The following CEP152 variants were observed in gnomAD, a reference collection of about 807,000 sequenced individuals.
CEP152 encodes centrosomal protein of 152 kDa.
Under a neutral mutation model 188.9 loss-of-function variants are expected in CEP152, and 132 were observed. That is an observed-to-expected ratio of 0.70 (90% CI 0.61 to 0.81). The LOEUF (loss-of-function observed/expected upper bound fraction) is 0.81. Ranked by LOEUF, CEP152 falls within the 30% of genes least tolerant of loss-of-function variation. CEP152 has a pLI of 0.00. For missense variants in CEP152, 1,914 were observed against 1,969.8 expected (o/e 0.97, Z 0.54); for synonymous variants, 649 against 666.6 (o/e 0.97, Z 0.41).
rs1380986780 is a variant in CEP152, at chr15:48,748,607, T to C, written c.3470A>G (p.Lys1157Arg). The C allele has an allele frequency of 6.8e-7, 1 of 1,477,196 alleles. No individual in the cohort carries two copies. The allele number at this position is 1,477,196 out of a possible 1,614,324, so 91.5% of individuals were successfully genotyped here. A position where few individuals can be genotyped will look rare whatever the true frequency, so the allele number is the denominator to read the frequency against. The change falls in exon 22 of 27, where the codon AAG becomes AGG. Residue 1157 changes from lysine to arginine, a missense_variant. Lys to Arg is a conservative substitution (Grantham distance 26). Coordinates refer to ENST00000380950, the MANE Select transcript of CEP152 (RefSeq NM_001194998.2). ...ALQATEAEADKKKVLEIKDLC... is the reference protein window; with the variant it reads ...ALQATEAEADRKKVLEIKDLC... The stretch of plus-strand genomic sequence containing the variant: ...ATCCTTAATTTCAAGGACCTTTTTC[T>C]TATCTGCAAAAATTAAATGACAGAA...
Position 48,738,880 on chromosome 15 carries a change from G to A in CEP152, c.4502C>T (p.Thr1501Ile). The change falls in exon 27 of 27, where the codon ACC becomes ATC. Residue 1501 changes from threonine to isoleucine, a missense_variant. Thr to Ile is a moderately conservative substitution (Grantham distance 89). Coordinates refer to ENST00000380950, the MANE Select transcript of CEP152 (RefSeq NM_001194998.2). ...PHSAAYPFLG[T>I]LGNKPSPRCT... ...TCTAGGTGAGGGTTTATTTCCTAAG[G>A]TTCCAAGAAAGGGGTATGCAGCTGA... The A allele has an allele frequency of 6.2e-7, 1 of 1,614,172 alleles. No homozygotes were observed. Among genetic ancestry groups the A allele is most frequent in the Non-Finnish European group, 8.5e-7 (1 of 1,180,028 alleles).
chr15:48,781,456 G>A, intron 11 of CEP152, 97 bp from the exon 12 acceptor site: 1 of 926,158 alleles, frequency 1.1e-6, no homozygotes. Flanking sequence ...TCAACAGGAG[G>A]CAAAAAAACT....
intron 22 of CEP152, among the ~76,000 whole-genome samples, chr15:48,747,401 TCTC>T (rs1398218436): frequency 6.6e-6 from 1 of 152,132 alleles, no homozygotes; most frequent in African/African-American, 2.4e-5. Flanking sequence ...GCATATTCCT[TCTC>T]CTCAGAAAAT....
intron 19 of CEP152, among the ~76,000 whole-genome samples, chr15:48,758,800 T>G (rs562913957): frequency 6.6e-6 from 1 of 150,464 alleles, no homozygotes; most frequent in East Asian, 2.0e-4. Flanking sequence ...AAAGCCCAGA[T>G]AGCTATGCTT....
intron 9 of CEP152, among the ~76,000 whole-genome samples, chr15:48,785,732 T>C (rs533659804): frequency 5.1e-4 from 77 of 152,134 alleles, no homozygotes; most frequent in African/African-American, 1.6e-3. Flanking sequence ...AACTTTAAAG[T>C]TTAAAGTTTT....
Position 48,742,014 on chromosome 15 carries a change from C to CA in CEP152, c.3921_3922insT (p.Ala1308CysfsTer19). On this transcript the variant is annotated frameshift_variant, in exon 25 of 27. Coordinates refer to ENST00000380950, the MANE Select transcript of CEP152 (RefSeq NM_001194998.2). LOFTEE classifies it high-confidence loss of function. Reference sequence around the variant, plus strand: ...AAATAATATTTGCGCATCTTTCGGGCGGTTTCTTGACGTTCTCGCAGTACC... The same window carrying CA: ...AAATAATATTTGCGCATCTTTCGGGCAGGTTTCTTGACGTTCTCGCAGTACC... 6.2e-7 allele frequency: 1 copy of CA among 1,614,130 alleles called. No homozygotes were observed. Among genetic ancestry groups the CA allele is most frequent in the Non-Finnish European group, 8.5e-7 (1 of 1,180,014 alleles).
At chr15:48,797,009 C>A (rs1008068174) in intron 5 of CEP152, among the ~76,000 whole-genome samples, 16 of 152,202 alleles carry the variant, frequency 1.1e-4, no homozygotes, top group African/African-American at 3.9e-4. Context: ...GTGGTAGAAG[C>A]AGCAGTAAAT....
At chr15:48,785,007 G>A (rs1896529034) in intron 9 of CEP152, among the ~76,000 whole-genome samples, 1 of 152,182 alleles carries the variant, frequency 6.6e-6, no homozygotes, top group African/African-American at 2.4e-5. Context: ...GAGCATGGGA[G>A]AGGCAGAGGA....
rs1892792146 is a variant in CEP152 at position 48,739,275 on chromosome 15, A to C, written c.4107T>G (p.Thr1369=). The change falls in exon 27 of 27, where the codon ACT becomes ACG. Residue 1369 remains threonine (T), a synonymous_variant. Transcript: ENST00000380950. The part of the protein sequence containing the change: ...SKTTQSALPL[T]SEMLIAVKKS... ...TTTTAACTGCAATCAGCATCTCTGA[A>C]GTTAGGGGCAGTGCTATTATGTGCA... is the stretch of plus-strand genomic sequence containing the variant. 1 of 1,613,030 alleles carries C rather than the reference A, an allele frequency of 6.2e-7. No individual in the cohort carries two copies. The highest frequency in any genetic ancestry group is 8.5e-7 in the Non-Finnish European group (1 of 1,179,850).
intron 2 of CEP152, chr15:48,729,525 A>T (rs1041946536): frequency 6.6e-6 from 1 of 152,216 alleles, no homozygotes; most frequent in Non-Finnish European, 1.5e-5. Flanking sequence ...TGGGTGACAG[A>T]GCAAGATCCC....
rs1279736306 is a variant in CEP152 at position 48,798,008 on chromosome 15, T to A, written c.131A>T (p.Asp44Val). 4 of 1,613,934 alleles carry A rather than the reference T, an allele frequency of 2.5e-6. No individual in the cohort carries two copies. The East Asian group carries it at 6.7e-5, about 27-fold the overall frequency. Residue 44 changes from aspartate to valine, a missense_variant, in exon 3 of 27, where the codon GAC becomes GTC. By Grantham distance (152) the Asp-to-Val change is radical (BLOSUM62 -3). Transcript: ENST00000380950. The stretch of plus-strand genomic sequence containing the variant: ...CTGGAGCTCTGGAGAGGAGAGGTCG[T>A]CATCCAGCATGTCATGGGGAAGGTC... ...LTDLPHDMLD[D>V]DLSSPELQYS...
intron 17 of CEP152, among the ~76,000 whole-genome samples, chr15:48,763,169 A>G (rs1894818273): frequency 6.6e-6 from 1 of 152,232 alleles, no homozygotes; most frequent in African/African-American, 2.4e-5. Flanking sequence ...ACTACATTCA[A>G]AAGGGAGGCA....
intron 12 of CEP152, among the ~76,000 whole-genome samples, chr15:48,774,916 G>GA (rs922197859): frequency 1.7e-4 from 25 of 150,602 alleles, no homozygotes; most frequent in South Asian, 6.3e-4. Flanking sequence ...TGAAGTGAAT[G>GA]AAAAAAAACA....
intron 9 of CEP152, among the ~76,000 whole-genome samples, chr15:48,788,136 C>A (rs973682542): frequency 5.9e-5 from 9 of 152,164 alleles, no homozygotes; most frequent in Non-Finnish European, 1.3e-4. Flanking sequence ...CAAGTTCTAG[C>A]CAGCCGCTGG....
At position 48,797,550 on chromosome 15, in the gene CEP152, A is replaced by C. The variant is rs541163196; in HGVS notation, c.291T>G (p.Ala97=). The C allele has an allele frequency of 1.2e-6, 2 of 1,614,098 alleles. No individual in the cohort carries two copies. Among genetic ancestry groups the C allele is most frequent in the Admixed American group, 3.3e-5 (2 of 59,990 alleles). The change falls in exon 5 of 27, where the codon GCT becomes GCG. Residue 97 remains alanine (A), a synonymous_variant. Transcript: ENST00000380950. ...CCCAGACATTACCACATTTTTCTCC[A>C]GCATATAAACTCTGAATTTCATTAT... ...NGYNEIQSLY[A]GEKCGNVWEE... is the part of the protein sequence containing the mutation.
At chr15:48,741,069 A>T in intron 26 of CEP152, 1 of 994,450 alleles carries the variant, frequency 1.0e-6, no homozygotes, top group Non-Finnish European at 1.2e-6. Context: ...TCCATCTTCC[A>T]TCCTATACTG....
At chr15:48,788,727 C>A in intron 9 of CEP152, 74 bp downstream of exon 9, 1 of 1,333,464 alleles carries the variant, frequency 7.5e-7, no homozygotes, top group South Asian at 1.2e-5. Context: ...ATATGATGAA[C>A]CATAAAATAT....
chr15:48,769,213 A>T, intron 13 of CEP152, 132 bp from the exon 14 acceptor site: 1 of 681,420 alleles, frequency 1.5e-6, no homozygotes, highest in African/African-American at 1.8e-5. Context: ...ATCTTCCCCC[A>T]ATATAACTAC....
chr15:48,752,103 A>G (rs546899467), intron 21 of CEP152, among the ~76,000 whole-genome samples: 1 of 152,340 alleles, frequency 6.6e-6, no homozygotes, highest in South Asian at 2.1e-4. Flanking sequence ...CTTCTCCATT[A>G]AAACTCTCAT....
Sources: gnomAD v4.1 joint callset for allele counts (sites outside exome capture counted in the v4.1 genomes callset) on GRCh38, gnomAD v4.1.1 for gene constraint, MANE v1.5 for transcripts, NCBI Gene and HGNC (gene_info 2026-07-23, HGNC 2026-07-21) for gene names.